Variants in NDUFAF7 observed in about 807,000 individuals in gnomAD.
NDUFAF7 encodes the protein protein arginine methyltransferase NDUFAF7, mitochondrial.
NDUFAF7 carries 48 observed loss-of-function variants against 47.2 expected under a neutral mutation model. That is an observed-to-expected ratio of 1.02 (90% CI 0.81 to 1.29). The LOEUF (loss-of-function observed/expected upper bound fraction) is 1.29. Ranked by LOEUF, NDUFAF7 falls within the 50% of genes most tolerant of loss-of-function variation. NDUFAF7 has a pLI of 0.00. For missense variants in NDUFAF7, 635 were observed against 537.6 expected (o/e 1.18, Z -1.79); for synonymous variants, 217 against 190.0 (o/e 1.14, Z -1.17).
chr2:37,232,153 C>G lies in NDUFAF7; in HGVS notation c.103C>G (p.Pro35Ala), dbSNP rs560608407. The G allele has an allele frequency of 1.2e-6, 2 of 1,614,218 alleles. No individual in the cohort carries two copies. The highest frequency in any genetic ancestry group is 1.7e-6 in the Non-Finnish European group (2 of 1,180,042). Residue 35 changes from proline to alanine, a missense_variant, in exon 2 of 10, where the codon CCT (proline) becomes GCT (alanine). By Grantham distance (27) the Pro-to-Ala change is conservative. Transcript: ENST00000002125. ...GAAATACTTCAGCTCCGGGAATGAG[C>G]CTGCAGAAAACCCGGTGACGCCGAT... ...RGKYFSSGNE[P>A]AENPVTPMLR...
chr2:37,235,080 C>T (rs1029103398), intron 2 of NDUFAF7, among the ~76,000 whole-genome samples: 3 of 152,060 alleles, frequency 2.0e-5, no homozygotes. Flanking sequence ...AGAACAGAGA[C>T]AAATTAGCTC....
chr2:37,236,082 C>A lies in NDUFAF7; in HGVS notation c.217-14C>A, dbSNP rs1256548943. ...AAAATTAATTTTGTTTCTCTATTTT[C>A]TCTTTTTACTCAGGGTTATTATGTG... On this transcript the variant is annotated splice_polypyrimidine_tract_variant and intron_variant, in intron 2 of 9. Transcript: ENST00000002125. 6.2e-7 allele frequency: 1 copy of A among 1,600,072 alleles called. No individual in the cohort carries two copies. The highest frequency in any genetic ancestry group is 8.6e-7 in the Non-Finnish European group (1 of 1,167,536).
chr2:37,242,760 T>C (rs1249116794), intron 6 of NDUFAF7, 67 bp downstream of exon 6: 11 of 1,243,394 alleles, frequency 8.8e-6, no homozygotes, highest in African/African-American at 3.0e-5. Flanking sequence ...CCAATGTTTA[T>C]GGTATTTATT....
chr2:37,239,961 CTT>C (rs1666187036), intron 4 of NDUFAF7, among the ~76,000 whole-genome samples: 1 of 152,038 alleles, frequency 6.6e-6, no homozygotes, highest in Non-Finnish European at 1.5e-5. Context: ...GATATTCTCT[CTT>C]GTATCATTGT....
intron 3 of NDUFAF7, among the ~76,000 whole-genome samples, chr2:37,236,494 G>A (rs111577165): frequency 6.6e-4 from 100 of 152,040 alleles, no homozygotes; most frequent in Admixed American, 1.8e-3. Context: ...ATGGAAGAAG[G>A]GGCCAGGCGT....
chr2:37,261,615 T>C, the NDUFAF7 span, among the ~76,000 whole-genome samples: 1 of 149,712 alleles, frequency 6.7e-6, no homozygotes, highest in Non-Finnish European at 1.5e-5. Flanking sequence ...ACCTAGTCTC[T>C]ACTAAAAATA....
At chr2:37,254,586 A>G (rs1318804737), downstream of NDUFAF7, among the ~76,000 whole-genome samples, 1 of 152,196 alleles carries the variant, frequency 6.6e-6, no homozygotes, top group Non-Finnish European at 1.5e-5. Context: ...GCTGTGTGAT[A>G]CTGGGTCAGT....
downstream of NDUFAF7, among the ~76,000 whole-genome samples, chr2:37,253,764 C>T (rs1181481968): frequency 6.6e-6 from 1 of 152,138 alleles, no homozygotes; most frequent in Non-Finnish European, 1.5e-5. Context: ...TTCTGCCTCT[C>T]ACTCCCTATA....
the NDUFAF7 span, among the ~76,000 whole-genome samples, chr2:37,271,224 GCC>G: frequency 6.6e-6 from 1 of 151,958 alleles, no homozygotes; most frequent in Non-Finnish European, 1.5e-5. Context: ...TCCTTTTCTA[GCC>G]TGTTTTCTCT....
the NDUFAF7 span, chr2:37,269,836 GCTTT>G: frequency 1.6e-6 from 1 of 620,820 alleles, no homozygotes; most frequent in South Asian, 2.5e-5. Context: ...GAAAACACAG[GCTTT>G]CTATGTTCTA....
intron 2 of NDUFAF7, among the ~76,000 whole-genome samples, chr2:37,235,526 A>G (rs561434265): frequency 1.3e-5 from 2 of 152,168 alleles, no homozygotes; most frequent in African/African-American, 4.8e-5. Context: ...GCGTGCAGAG[A>G]TGGACGTTAC....
At chr2:37,240,354 G>T (rs1158448781) in intron 4 of NDUFAF7, among the ~76,000 whole-genome samples, 1 of 151,852 alleles carries the variant, frequency 6.6e-6, no homozygotes, top group Non-Finnish European at 1.5e-5. Flanking sequence ...GGTTGAGGCT[G>T]CAGTGAGCTG....
downstream of NDUFAF7, chr2:37,252,894 CTATTG>C (rs1667623539): frequency 5.9e-6 from 1 of 169,552 alleles, no homozygotes; most frequent in Non-Finnish European, 1.2e-5. Context: ...TTAAGTGAGC[CTATTG>C]TATTAAAGTG....
At position 37,247,458 on chromosome 2, in the gene NDUFAF7, G is replaced by C; in HGVS notation, c.939G>C (p.Gly313=). Residue 313 remains glycine, a splice_region_variant and synonymous_variant, in exon 9 of 10, where the codon GGG becomes GGC. Coordinates refer to ENST00000002125, the MANE Select transcript of NDUFAF7 (RefSeq NM_144736.5). ...HDGTKTDTFR[G]FCDHKLHDVL... ...AATCTGATTTCTTTATGTTCAAGGGGTTTTGCGACCACAAGCTTCATGATG... is the reference window on the plus strand; with the variant it reads ...AATCTGATTTCTTTATGTTCAAGGGCTTTTGCGACCACAAGCTTCATGATG... 3.1e-6 allele frequency: 5 copies of C among 1,613,858 alleles called. No individual in the cohort carries two copies. The highest frequency in any genetic ancestry group is 4.2e-6 in the Non-Finnish European group (5 of 1,179,898).
At chr2:37,241,339 G>C (rs1666310018) in intron 4 of NDUFAF7, among the ~76,000 whole-genome samples, 1 of 151,950 alleles carries the variant, frequency 6.6e-6, no homozygotes, top group African/African-American at 2.4e-5. Flanking sequence ...ATTTTCATTT[G>C]TTAATCATAA....
chr2:37,231,862 C>T lies in NDUFAF7; in HGVS notation c.55+102C>T. 3 of 1,585,378 alleles carry T rather than the reference C, an allele frequency of 1.9e-6. No homozygotes were observed. In the South Asian group the frequency reaches 3.4e-5, roughly 18 times the overall value. On this transcript the variant is annotated intron_variant, in intron 1 of 9. Coordinates refer to ENST00000002125, the MANE Select transcript of NDUFAF7 (RefSeq NM_144736.5). ...TACCGGGGGATCAAGGGCTCGGGGGCTCACTTCCACCTTGAAGGTACCCTG... is the reference window on the plus strand; with the variant it reads ...TACCGGGGGATCAAGGGCTCGGGGGTTCACTTCCACCTTGAAGGTACCCTG...
chr2:37,246,196 G>A lies in NDUFAF7; in HGVS notation c.936+1G>A. On this transcript the variant is annotated splice_donor_variant, in intron 8 of 9. Transcript: ENST00000002125. LOFTEE classifies it high-confidence loss of function. ...TGGAACAAAGACAGATACCTTCAGA[G>A]TATGTATAATTCAGTAACATGATTT... The A allele has an allele frequency of 1.2e-6, 2 of 1,613,656 alleles. No individual in the cohort carries two copies. Among genetic ancestry groups the A allele is most frequent in the Non-Finnish European group, 1.7e-6 (2 of 1,179,704 alleles).
downstream of NDUFAF7, among the ~76,000 whole-genome samples, chr2:37,249,586 CACACACACACACACACAGAG>C (rs1355081193): frequency 6.8e-3 from 955 of 139,782 alleles, 13 homozygotes; most frequent in African/African-American, 0.024. Flanking sequence ...CACACACACA[CACACACACACACACACAGAG>C]GGGAGATCGC....
At chr2:37,259,910 A>G in the NDUFAF7 span, among the ~76,000 whole-genome samples, 1 of 152,236 alleles carries the variant, frequency 6.6e-6, no homozygotes, top group Non-Finnish European at 1.5e-5. Context: ...CATGCCTGTA[A>G]TCCCAGCACT....
Sources: allele counts gnomAD v4.1 joint callset (sites outside exome capture counted in the v4.1 genomes callset), GRCh38; gene constraint gnomAD v4.1.1; transcripts MANE v1.5; gene names NCBI Gene and HGNC (gene_info 2026-07-23, HGNC 2026-07-21).